PAWR: variants seen among roughly 807,000 people sequenced by gnomAD.
PAWR encodes PRKC apoptosis WT1 regulator protein.
PAWR carries 23 observed loss-of-function variants against 32.0 expected under a neutral mutation model. The ratio of observed to expected loss-of-function variants is 0.72; its 90% CI spans 0.52 to 1.02. PAWR has a LOEUF of 1.02. Ranked by LOEUF, PAWR falls within the 50% of genes least tolerant of loss-of-function variation. PAWR has a pLI of 0.00. For missense variants in PAWR, 457 were observed against 437.7 expected (o/e 1.04, Z -0.39); for synonymous variants, 226 against 187.1 (o/e 1.21, Z -1.70).
At chr12:79,649,332 TATG>T (rs1042010233) in intron 2 of PAWR, among the ~76,000 whole-genome samples, 1 of 152,198 alleles carries the variant, frequency 6.6e-6, no homozygotes, top group African/African-American at 2.4e-5. Context: ...GCTTTTTCTT[TATG>T]TTAAGGACAT....
intron 4 of PAWR, among the ~76,000 whole-genome samples, chr12:79,608,343 C>T (rs917256448): frequency 6.6e-5 from 10 of 152,146 alleles, no homozygotes; most frequent in Non-Finnish European, 1.5e-4. Flanking sequence ...AACTGTTCCA[C>T]CTCAGATCAT....
At chr12:79,638,740 T>C (rs190823249) in intron 2 of PAWR, among the ~76,000 whole-genome samples, 2 of 149,774 alleles carry the variant, frequency 1.3e-5, no homozygotes, top group Admixed American at 6.7e-5. Flanking sequence ...ACCCAGGGAC[T>C]CTAGATCTAT....
chr12:79,603,656 A>G (rs926248155), intron 4 of PAWR: 1 of 149,848 alleles, frequency 6.7e-6, no homozygotes, highest in Non-Finnish European at 1.5e-5. Context: ...CATAAACGGC[A>G]TCATTATGCT....
rs746437074 is a variant in PAWR, at chr12:79,690,193, C to T, written c.52G>A (p.Asp18Asn). 4 of 1,532,996 alleles carry T rather than the reference C, an allele frequency of 2.6e-6. No homozygotes were observed. Among genetic ancestry groups the T allele is most frequent in the Non-Finnish European group, 3.5e-6 (4 of 1,143,768 alleles). 95.0% of individuals were successfully genotyped at this position (1,532,996 alleles called of 1,614,324 possible). A position where few individuals can be genotyped will look rare whatever the true frequency, so the allele number is the denominator to read the frequency against. Residue 18 changes from aspartate to asparagine, a missense_variant, in exon 2 of 7, where the codon GAC becomes AAC. By Grantham distance (23) the Asp-to-Asn change is conservative (BLOSUM62 1). Coordinates refer to ENST00000328827, the MANE Select transcript of PAWR (RefSeq NM_002583.4). ...TTCGCCTTCCACTCCTCCAGGAAGT[C>T]TGTGGTGCTGCCGCCGAGGCCGCTG... ...TSSGLGGSTT[D>N]FLEEWKAKRE...
rs1373051667 is a variant in PAWR at position 79,590,265 on chromosome 12, T to A, written c.*2342A>T. ...CCCAGGCTGGAGTACAATGGCGCAA[T>A]CTCAGCTCACCGCAACCTCTGTCTC... On this transcript the variant is annotated 3_prime_UTR_variant, in exon 7 of 7. Transcript: ENST00000328827. 6.7e-6 allele frequency: 1 copy of A among 149,074 alleles called. No homozygotes were observed. The highest frequency in any genetic ancestry group is 2.5e-5 in the African/African-American group (1 of 40,432). 9.2% of individuals were successfully genotyped at this position (149,074 alleles called of 1,614,324 possible).
At chr12:79,677,389 A>G (rs1381325264) in intron 2 of PAWR, among the ~76,000 whole-genome samples, 1 of 152,236 alleles carries the variant, frequency 6.6e-6, no homozygotes, top group African/African-American at 2.4e-5. Flanking sequence ...TCACTGTCCA[A>G]TGAAAATGAT....
intron 3 of PAWR, among the ~76,000 whole-genome samples, chr12:79,617,885 C>A (rs1044870381): frequency 1.3e-5 from 2 of 151,956 alleles, no homozygotes; most frequent in African/African-American, 4.8e-5. Flanking sequence ...CCTGCCCCCG[C>A]TCTCTCTCTC....
intron 6 of PAWR, 34 bp downstream of exon 6, chr12:79,594,295 C>G (rs543388574): frequency 1.2e-6 from 1 of 840,058 alleles, no homozygotes; most frequent in Non-Finnish European, 1.9e-6. Context: ...CCAAAAAAAA[C>G]CCCTCCAAAC....
chr12:79,657,376 A>T (rs1877138463), intron 2 of PAWR, among the ~76,000 whole-genome samples: 2 of 152,060 alleles, frequency 1.3e-5, no homozygotes, highest in African/African-American at 4.8e-5. Flanking sequence ...TGCACACTGC[A>T]AAAAAATGCA....
intron 4 of PAWR, 112 bp downstream of exon 4, chr12:79,613,463 T>C: frequency 1.9e-6 from 1 of 528,360 alleles, no homozygotes; most frequent in Non-Finnish European, 3.4e-6. Context: ...AAGAGCACAG[T>C]AGAAAAGTTT....
At chr12:79,653,282 G>A (rs1000466604) in intron 2 of PAWR, among the ~76,000 whole-genome samples, 40 of 151,918 alleles carry the variant, frequency 2.6e-4, no homozygotes, top group African/African-American at 9.0e-4. Context: ...GTGATCCACC[G>A]GCCTTGGCTT....
At chr12:79,632,844 A>T (rs1486075548) in intron 2 of PAWR, among the ~76,000 whole-genome samples, 1 of 152,084 alleles carries the variant, frequency 6.6e-6, no homozygotes, top group Non-Finnish European at 1.5e-5. Flanking sequence ...CTCAAAATGT[A>T]CTATCATAGC....
rs1380147470 is a variant in PAWR at position 79,584,926 on chromosome 12, T to C, written c.*7681A>G. On this transcript the variant is annotated 3_prime_UTR_variant, in exon 7 of 7. Coordinates refer to ENST00000328827, the MANE Select transcript of PAWR (RefSeq NM_002583.4). ...TTTTTTCCAATCAAGTCTTAAAAGT[T>C]TGATGAAAGCGCATTATTGTTACCA... is the stretch of plus-strand genomic sequence containing the variant. 2.7e-5 allele frequency: 5 copies of C among 186,160 alleles called. No homozygotes were observed. The highest frequency in any genetic ancestry group is 4.5e-5 in the Non-Finnish European group (4 of 89,604). The allele number at this position is 186,160 out of a possible 1,614,324, so 11.5% of individuals were successfully genotyped here. A position where few individuals can be genotyped will look rare whatever the true frequency, so the allele number is the denominator to read the frequency against.
rs990015392 is a variant in PAWR, at chr12:79,585,914, C to A, written c.*6693G>T. ...GTATAGACGGCATAACCCTGTGTTA[C>A]CCCGTTGGTATTACAGGCATGAGCC... On this transcript the variant is annotated 3_prime_UTR_variant, in exon 7 of 7. Transcript: ENST00000328827. 1 of 152,102 alleles carries A rather than the reference C, an allele frequency of 6.6e-6. No homozygotes were observed. The highest frequency in any genetic ancestry group is 1.5e-5 in the Non-Finnish European group (1 of 68,034). 9.4% of individuals were successfully genotyped at this position (152,102 alleles called of 1,614,324 possible).
intron 2 of PAWR, among the ~76,000 whole-genome samples, chr12:79,676,366 A>C (rs929416041): frequency 6.6e-6 from 1 of 152,104 alleles, no homozygotes; most frequent in Non-Finnish European, 1.5e-5. Flanking sequence ...CAATCTTTCA[A>C]ATTATCATGT....
intron 4 of PAWR, among the ~76,000 whole-genome samples, chr12:79,599,432 G>A (rs1296299684): frequency 2.0e-5 from 3 of 152,138 alleles, no homozygotes; most frequent in Non-Finnish European, 4.4e-5. Flanking sequence ...GCAGGACACC[G>A]ATTTACATTC....
chr12:79,669,602 T>A (rs979583188), intron 2 of PAWR, among the ~76,000 whole-genome samples: 1 of 152,186 alleles, frequency 6.6e-6, no homozygotes, highest in Non-Finnish European at 1.5e-5. Flanking sequence ...CTTAGTTGAG[T>A]AATTCTCAAG....
chr12:79,619,009 T>TA (rs1341762672), intron 3 of PAWR, among the ~76,000 whole-genome samples: 2 of 151,826 alleles, frequency 1.3e-5, no homozygotes, highest in Admixed American at 6.5e-5. Flanking sequence ...TTAATAAAGC[T>TA]AGATTAATAA....
At chr12:79,688,546 CAG>C (rs1271788792) in intron 2 of PAWR, 1 of 147,106 alleles carries the variant, frequency 6.8e-6, no homozygotes, top group Admixed American at 6.8e-5. Context: ...TAATGAATAA[CAG>C]ATCTTTTGTG....
Sources: gnomAD v4.1 joint callset for allele counts (sites outside exome capture counted in the v4.1 genomes callset) on GRCh38, gnomAD v4.1.1 for gene constraint, MANE v1.5 for transcripts, NCBI Gene and HGNC (gene_info 2026-07-23, HGNC 2026-07-21) for gene names.